Variants in CARS1 observed in about 807,000 individuals in gnomAD.
CARS1 encodes cysteine--tRNA ligase, cytoplasmic.
In CARS1, 48 loss-of-function variants were observed where a neutral mutation model predicts 106.2. That is an observed-to-expected ratio of 0.45 (90% CI 0.36 to 0.57). CARS1 has a LOEUF of 0.57. Ranked by LOEUF, CARS1 falls within the 20% of genes least tolerant of loss-of-function variation. The pLI is 0.00. For missense variants in CARS1, 968 were observed against 1,057.2 expected, an observed-to-expected ratio of 0.92 and a Z score of 1.17; for synonymous variants, 409 against 403.4, an observed-to-expected ratio of 1.01 and a Z score of -0.17.
At chr11:3,018,799 G>C in intron 12 of CARS1, 50 bp from the exon 13 acceptor site, 1 of 1,584,812 alleles carries the variant, frequency 6.3e-7, no homozygotes, top group Non-Finnish European at 8.6e-7. Flanking sequence ...TACTGGGGCC[G>C]CCTCCTGCCA....
At position 3,043,223 on chromosome 11, in the gene CARS1, C is replaced by A. The variant is rs935567016; in HGVS notation, c.275-967G>T. Among the ~76,000 whole-genome samples the A allele has an allele frequency of 6.6e-6, 1 of 152,074 alleles. No individual in the cohort carries two copies. Among genetic ancestry groups the A allele is most frequent in the Non-Finnish European group, 1.5e-5 (1 of 68,000 alleles). On this transcript the variant is annotated intron_variant, in intron 2 of 22. Transcript: ENST00000380525. This position sits in a 1 kb window ranked among gnomAD's most constrained non-coding sequence, Gnocchi z 4.0. ...AACCTGGCACAAGGCTGTCCTTACACAACCTGCATCTGAGATCCCTGAAGG... is the reference window on the plus strand; with the variant it reads ...AACCTGGCACAAGGCTGTCCTTACAAAACCTGCATCTGAGATCCCTGAAGG...
chr11:3,021,579 T>C lies in CARS1; in HGVS notation c.1154-1247A>G, dbSNP rs375099735. On this transcript the variant is annotated intron_variant, in intron 10 of 22. Coordinates refer to ENST00000380525, the MANE Select transcript of CARS1 (RefSeq NM_001014437.3). The surrounding 1 kb of genome is among the most constrained non-coding windows in gnomAD (Gnocchi z 5.3). Reference sequence around the variant, plus strand: ...TATATTTTTCTAAACACCAAGTTCATGATTATAAAATATGTACTAAATGTA... The same window carrying C: ...TATATTTTTCTAAACACCAAGTTCACGATTATAAAATATGTACTAAATGTA... Among the ~76,000 whole-genome samples, 3 of 152,240 alleles carry C rather than the reference T, an allele frequency of 2.0e-5. No individual in the cohort carries two copies. The highest frequency in any genetic ancestry group is 3.9e-4 in the East Asian group (2 of 5,184).
At chr11:3,047,078 C>T (rs1855163295) in intron 2 of CARS1, among the ~76,000 whole-genome samples, 2 of 152,060 alleles carry the variant, frequency 1.3e-5, no homozygotes, top group South Asian at 4.1e-4. Context: ...GAGATCGAGA[C>T]CATCCTGGCT....
chr11:3,025,338 A>C (rs1459057391), intron 10 of CARS1, among the ~76,000 whole-genome samples: 2 of 152,040 alleles, frequency 1.3e-5, no homozygotes, highest in East Asian at 3.9e-4. Context: ...AGTGATTCTC[A>C]TGCCTCAGCC....
Position 3,017,199 on chromosome 11 carries a change from G to C in CARS1, c.1824C>G (p.Cys608Trp). ...CTTTCCGGGCTGCCATATAGAGGTT[G>C]CACTGACTGACCAAGGCCCGCATCT... The part of the protein sequence containing the change: ...MEEMRALVSQ[C>W]NLYMAARKAV... Residue 608 changes from cysteine (C) to tryptophan (W), a missense_variant, in exon 16 of 23, where the codon TGC becomes TGG. Coordinates refer to ENST00000380525, the MANE Select transcript of CARS1 (RefSeq NM_001014437.3). The surrounding 1 kb of genome is among the most constrained non-coding windows in gnomAD (Gnocchi z 4.9). 6.2e-7 allele frequency: 1 copy of C among 1,614,190 alleles called. No individual in the cohort carries two copies. The highest frequency in any genetic ancestry group is 8.5e-7 in the Non-Finnish European group (1 of 1,180,014).
intron 19 of CARS1, 24 bp downstream of exon 19, chr11:3,006,855 A>G (rs1193920220): frequency 6.3e-7 from 1 of 1,598,414 alleles, no homozygotes; most frequent in South Asian, 1.1e-5. Context: ...GTAACTTTGT[A>G]GCAAACAGCA....
rs574253182 is a variant in CARS1 at position 3,016,498 on chromosome 11, C to T, written c.1917+608G>A. Among the ~76,000 whole-genome samples, 4 of 152,250 alleles carry T rather than the reference C, an allele frequency of 2.6e-5. No homozygotes were observed. The East Asian group carries it at 7.7e-4, about 29-fold the overall frequency. On this transcript the variant is annotated intron_variant, in intron 16 of 22. Transcript: ENST00000380525. ...TTGGCCTCCCAAAGTGCTGGGATTA[C>T]AGGCGTGAGCCACAGCGCCTGGCGT...
chr11:3,036,049 G>A (rs960486014), intron 7 of CARS1, among the ~76,000 whole-genome samples: 5 of 152,222 alleles, frequency 3.3e-5, no homozygotes, highest in African/African-American at 1.2e-4. Flanking sequence ...CCAGGCAGAG[G>A]GTGCCTATGT....
chr11:3,039,937 G>A lies in CARS1; in HGVS notation c.456-6C>T, dbSNP rs1355401563. On this transcript the variant is annotated splice_region_variant and splice_polypyrimidine_tract_variant and intron_variant, in intron 4 of 22. Coordinates refer to ENST00000380525, the MANE Select transcript of CARS1 (RefSeq NM_001014437.3). This position sits in a 1 kb window ranked among gnomAD's most constrained non-coding sequence, Gnocchi z 5.6. ...TATCAAAAGAGATGTAGGACCTAAA[G>A]CAATGAAAAAACAAACATTTCCACA... The A allele has an allele frequency of 6.6e-7, 1 of 1,516,774 alleles. No homozygotes were observed. Among genetic ancestry groups the A allele is most frequent in the Admixed American group, 2.0e-5 (1 of 49,170 alleles). The allele number at this position is 1,516,774 out of a possible 1,614,324, so 94.0% of individuals were successfully genotyped here.
intron 18 of CARS1, among the ~76,000 whole-genome samples, chr11:3,011,766 C>A (rs528115143): frequency 6.6e-6 from 1 of 152,154 alleles, no homozygotes; most frequent in Non-Finnish European, 1.5e-5. Context: ...GCAGCAGGAA[C>A]GAGCCACACC....
At chr11:3,006,227 C>G (rs1169618865) in intron 19 of CARS1, among the ~76,000 whole-genome samples, 1 of 152,186 alleles carries the variant, frequency 6.6e-6, no homozygotes, top group Non-Finnish European at 1.5e-5. Flanking sequence ...GGGCAGATTA[C>G]TTGAGGTCAG....
chr11:3,014,311 C>T (rs565534182), intron 17 of CARS1, among the ~76,000 whole-genome samples: 13 of 152,212 alleles, frequency 8.5e-5, no homozygotes, highest in Non-Finnish European at 1.9e-4. Flanking sequence ...GAACTGCCTC[C>T]CTTGCTCCTA....
rs1357260990 is a variant in CARS1 at position 3,034,770 on chromosome 11, G to A, written c.801+3280C>T. Among the ~76,000 whole-genome samples, 4 of 151,746 alleles carry A rather than the reference G, an allele frequency of 2.6e-5. No homozygotes were observed. Among genetic ancestry groups the A allele is most frequent in the East Asian group, 1.9e-4 (1 of 5,186 alleles). ...AGGATGGTCTCGATCTCCTGACCTC[G>A]TGATCTGCCCACCTCAGCCTCCCAA... On this transcript the variant is annotated intron_variant, in intron 7 of 22. Coordinates refer to ENST00000380525, the MANE Select transcript of CARS1 (RefSeq NM_001014437.3). The surrounding 1 kb of genome is among the most constrained non-coding windows in gnomAD (Gnocchi z 6.3).
Position 3,029,229 on chromosome 11 carries a change from C to T in CARS1, c.942+74G>A, listed in dbSNP as rs1017998455. 1.9e-5 allele frequency: 29 copies of T among 1,566,194 alleles called. 1 individual carries two copies. Among genetic ancestry groups the T allele is most frequent in the Non-Finnish European group, 2.5e-5 (29 of 1,139,504 alleles). ...GACTTGGCCGCTTAATTGAGCTGGC[C>T]TTGCCAAAACAGGAATTTAGAAATC... On this transcript the variant is annotated intron_variant, in intron 8 of 22. Coordinates refer to ENST00000380525, the MANE Select transcript of CARS1 (RefSeq NM_001014437.3). This position sits in a 1 kb window ranked among gnomAD's most constrained non-coding sequence, Gnocchi z 5.9.
chr11:3,046,362 A>C lies in CARS1; in HGVS notation c.274+1391T>G, dbSNP rs77483954. 0.017 allele frequency among the ~76,000 whole-genome samples: 2,580 copies of C among 152,214 alleles called. 89 individuals carry two copies. The highest frequency in any genetic ancestry group is 0.059 in the African/African-American group (2,453 of 41,520). On this transcript the variant is annotated intron_variant, in intron 2 of 22. Coordinates refer to ENST00000380525, the MANE Select transcript of CARS1 (RefSeq NM_001014437.3). This position sits in a 1 kb window ranked among gnomAD's most constrained non-coding sequence, Gnocchi z 5.8. ...CTCTGGCTGTGTCTTGGAATGGCAC[A>C]TGGCAGGGGGAACAACCTGACACCC...
chr11:3,005,835 C>A (rs1291617324), intron 19 of CARS1, among the ~76,000 whole-genome samples: 3 of 152,110 alleles, frequency 2.0e-5, no homozygotes, highest in South Asian at 2.1e-4. Context: ...TGGTCTCGAA[C>A]TCCTGAGCTC....
chr11:3,026,840 C>T (rs1488120405), intron 9 of CARS1, 43 bp from the exon 10 acceptor site: 3 of 1,583,332 alleles, frequency 1.9e-6, no homozygotes, highest in South Asian at 2.3e-5. Flanking sequence ...TCTAACAGAC[C>T]CGAAAGTGTG....
At chr11:3,018,879 G>T in intron 12 of CARS1, 130 bp from the exon 13 acceptor site, 1 of 1,283,226 alleles carries the variant, frequency 7.8e-7, no homozygotes. Flanking sequence ...GGTGCAGGCA[G>T]GGCTTGGAAG....
chr11:3,005,509 C>A (rs1180561973), intron 19 of CARS1, 76 bp from the exon 20 acceptor site: 2 of 1,140,788 alleles, frequency 1.8e-6, no homozygotes, highest in Non-Finnish European at 2.6e-6. Flanking sequence ...CCTGCCCTGC[C>A]CTGCCCTGCC....
Sources: allele counts gnomAD v4.1 joint callset (sites outside exome capture counted in the v4.1 genomes callset), GRCh38; gene constraint gnomAD v4.1.1; non-coding constraint Gnocchi (gnomAD v3.1); transcripts MANE v1.5; gene names NCBI Gene and HGNC (gene_info 2026-07-23, HGNC 2026-07-21).